PROS1: variants seen among roughly 807,000 people sequenced by gnomAD.
PROS1 encodes vitamin K-dependent protein S.
A neutral mutation model predicts 75.9 loss-of-function variants in PROS1; 29 were observed. The ratio of observed to expected loss-of-function variants is 0.38; its 90% confidence interval spans 0.28 to 0.52. PROS1 has a LOEUF of 0.52. PROS1 is among the 20% of genes least tolerant of loss of function. The probability of loss-of-function intolerance (pLI) is 0.83; values close to 1 mark genes in which losing one functional copy is unlikely to be tolerated. For synonymous variants in PROS1, 245 were observed against 280.6 expected (o/e 0.87, Z 1.27); for missense variants, 680 against 810.3 (o/e 0.84, Z 1.95).
chr3:93,962,506 A>G (rs140691270), intron 1 of PROS1, among the ~76,000 whole-genome samples: 345 of 152,306 alleles, frequency 2.3e-3, no homozygotes, highest in Middle Eastern at 6.8e-3. Context: ...AAACTAAAGT[A>G]TCTTACCTGA....
intron 9 of PROS1, among the ~76,000 whole-genome samples, chr3:93,893,803 T>C (rs933055914): frequency 6.6e-6 from 1 of 152,168 alleles, no homozygotes; most frequent in Non-Finnish European, 1.5e-5. Context: ...TGTTGTAGAA[T>C]ACACAGAAGG....
chr3:93,924,550 CT>C (rs1297183805), intron 2 of PROS1, among the ~76,000 whole-genome samples: 2 of 151,864 alleles, frequency 1.3e-5, no homozygotes, highest in East Asian at 3.9e-4. Context: ...CATACATGCC[CT>C]TTTTTGTACA....
intron 1 of PROS1, among the ~76,000 whole-genome samples, chr3:93,956,323 GA>G (rs1454030223): frequency 6.6e-6 from 1 of 151,820 alleles, no homozygotes; most frequent in Admixed American, 6.6e-5. Context: ...TATTTTCAAA[GA>G]AAAAAAGAAA....
At chr3:93,957,946 G>A (rs932766640) in intron 1 of PROS1, among the ~76,000 whole-genome samples, 2 of 151,906 alleles carry the variant, frequency 1.3e-5, no homozygotes, top group African/African-American at 4.8e-5. Flanking sequence ...AACTTAGCTG[G>A]GCACAGTGGT....
chr3:93,958,647 ATTGAATCACTGGGGTGG>A (rs1257904348), intron 1 of PROS1: 3 of 152,194 alleles, frequency 2.0e-5, no homozygotes, highest in Non-Finnish European at 4.4e-5. Flanking sequence ...GTGGGAGAAA[ATTGAATCACTGGGGTGG>A]TTTCCCCCAT....
At chr3:93,900,992 C>T in intron 6 of PROS1, 63 bp from the exon 7 acceptor site, 1 of 1,561,034 alleles carries the variant, frequency 6.4e-7, no homozygotes, top group South Asian at 1.1e-5. Flanking sequence ...TACCAAAGAA[C>T]CCTTGATTTG....
intron 6 of PROS1, among the ~76,000 whole-genome samples, chr3:93,901,785 A>G (rs1002341437): frequency 7.9e-5 from 12 of 152,168 alleles, no homozygotes; most frequent in African/African-American, 2.7e-4. Flanking sequence ...TATCATTGTC[A>G]ATGTCTTGAG....
At chr3:93,896,715 A>G in intron 8 of PROS1, 24 bp from the exon 9 acceptor site, 2 of 1,534,076 alleles carry the variant, frequency 1.3e-6, no homozygotes, top group Non-Finnish European at 1.8e-6. Context: ...AACCAAATAA[A>G]CAACAAGAAA....
chr3:93,905,703 A>C, intron 6 of PROS1, 81 bp downstream of exon 6: 1 of 1,511,168 alleles, frequency 6.6e-7, no homozygotes, highest in Non-Finnish European at 9.1e-7. Flanking sequence ...TCATTTTTCC[A>C]AAAATTTGCT....
intron 1 of PROS1, among the ~76,000 whole-genome samples, chr3:93,969,122 C>CTTTTTTTTTTTT (rs773990991): frequency 9.6e-5 from 11 of 114,332 alleles, no homozygotes; most frequent in African/African-American, 1.6e-4. Flanking sequence ...CTTTTGTTTT[C>CTTTTTTTTTTTT]TTTTTTTTTT....
At chr3:93,905,600 A>G (rs541437039) in intron 6 of PROS1, among the ~76,000 whole-genome samples, 184 bp downstream of exon 6, 5 of 152,214 alleles carry the variant, frequency 3.3e-5, no homozygotes, top group Non-Finnish European at 5.9e-5. Flanking sequence ...GTGAGACCCT[A>G]TCTCTCAAAA....
chr3:93,905,128 T>C (rs1367823431), intron 6 of PROS1, among the ~76,000 whole-genome samples: 1 of 152,202 alleles, frequency 6.6e-6, no homozygotes, highest in African/African-American at 2.4e-5. Context: ...GCTATGTATC[T>C]TACTAGAAGA....
intron 1 of PROS1, among the ~76,000 whole-genome samples, chr3:93,969,929 C>T (rs1389951388): frequency 1.3e-5 from 2 of 152,278 alleles, no homozygotes; most frequent in African/African-American, 4.8e-5. Flanking sequence ...CAGAAAAGGT[C>T]TATTGTTTCT....
chr3:93,935,955 TAA>T (rs1170480529), intron 1 of PROS1, among the ~76,000 whole-genome samples: 32 of 123,400 alleles, frequency 2.6e-4, no homozygotes, highest in Non-Finnish European at 1.9e-4. Flanking sequence ...AAGTCCACAT[TAA>T]AAAAAAAAAA....
intron 10 of PROS1, among the ~76,000 whole-genome samples, 172 bp from the exon 11 acceptor site, chr3:93,886,675 G>A (rs975812335): frequency 1.3e-5 from 2 of 152,060 alleles, no homozygotes; most frequent in Non-Finnish European, 2.9e-5. Flanking sequence ...TATGATAAAT[G>A]TGATAAAAAG....
intron 1 of PROS1, among the ~76,000 whole-genome samples, chr3:93,970,861 A>G (rs777945733): frequency 6.6e-6 from 1 of 152,166 alleles, no homozygotes; most frequent in Admixed American, 6.6e-5. Flanking sequence ...TAAGCCAGCC[A>G]TGGTGGTGCA....
intron 2 of PROS1, among the ~76,000 whole-genome samples, chr3:93,926,583 G>T (rs1299023280): frequency 1.3e-5 from 2 of 152,216 alleles, no homozygotes; most frequent in Non-Finnish European, 1.5e-5. Context: ...AGTGAGCAGA[G>T]ATTGCACCAC....
chr3:93,896,590 C>T lies in PROS1; in HGVS notation c.951G>A (p.Leu317=). The T allele has an allele frequency of 6.2e-7, 1 of 1,611,558 alleles. No individual in the cohort carries two copies. The highest frequency in any genetic ancestry group is 1.3e-5 in the African/African-American group (1 of 74,918). Residue 317 remains leucine, a synonymous_variant, in exon 9 of 15, where the codon TTG becomes TTA. Transcript: ENST00000394236. ...TGGTTCCTCACCTGCTGATTTCTGG[C>T]AAACGAAATTTTAAATATAAAACAA... ...AGVVLYLKFR[L]PEISRFSAEF... is the part of the protein sequence containing the mutation.
intron 14 of PROS1, among the ~76,000 whole-genome samples, chr3:93,876,633 G>A (rs1221247326): frequency 2.2e-5 from 3 of 138,906 alleles, no homozygotes; most frequent in Admixed American, 1.4e-4. Flanking sequence ...ATGATAAGAT[G>A]AACTGAATAA....
Sources: allele counts gnomAD v4.1 joint callset (sites outside exome capture counted in the v4.1 genomes callset), GRCh38; gene constraint gnomAD v4.1.1; transcripts MANE v1.5; gene names NCBI Gene and HGNC (gene_info 2026-07-23, HGNC 2026-07-21).